GDPD1: variants seen among roughly 807,000 people sequenced by gnomAD.
GDPD1 encodes the protein lysophospholipase D GDPD1.
GDPD1 carries 28 observed loss-of-function variants against 45.1 expected under a neutral mutation model. That is an observed-to-expected ratio of 0.62 (90% CI 0.46 to 0.85). The LOEUF (loss-of-function observed/expected upper bound fraction) is 0.85, where lower values mean the gene tolerates loss of function less well. Ranked by LOEUF, GDPD1 falls within the 40% of genes least tolerant of loss-of-function variation. GDPD1 has a pLI of 0.00. For synonymous variants in GDPD1, 139 were observed against 131.4 expected, an observed-to-expected ratio of 1.06 and a Z score of -0.40; for missense variants, 256 against 364.8, an observed-to-expected ratio of 0.70 and a Z score of 2.43.
rs539339278 is a variant in GDPD1 at position 59,234,344 on chromosome 17, C to G, written c.143-148C>G. ...CCAGCCTGGGTGACAGAGCAAGACT[C>G]CGTCTCAAAAAAACCCAAAAAAACA... On this transcript the variant is annotated intron_variant, in intron 1 of 9. Coordinates refer to ENST00000284116, the MANE Select transcript of GDPD1 (RefSeq NM_182569.4). 1.5e-5 allele frequency: 9 copies of G among 581,276 alleles called. No homozygotes were observed. The East Asian group carries it at 2.7e-4, about 18-fold the overall frequency. The allele number at this position is 581,276 out of a possible 1,614,324, so 36.0% of individuals were successfully genotyped here. A position where few individuals can be genotyped will look rare whatever the true frequency, so the allele number is the denominator to read the frequency against.
At chr17:59,259,435 T>C (rs973794230) in intron 6 of GDPD1, among the ~76,000 whole-genome samples, 10 of 151,178 alleles carry the variant, frequency 6.6e-5, no homozygotes, top group African/African-American at 1.9e-4. Flanking sequence ...GGCGTAGTGG[T>C]GGGCGCCTGT....
At chr17:59,248,616 T>C (rs2047230421) in intron 3 of GDPD1, 124 bp from the exon 4 acceptor site, 2 of 641,490 alleles carry the variant, frequency 3.1e-6, no homozygotes, top group Middle Eastern at 8.7e-4. Context: ...CTGCTAAGGG[T>C]GCCTAGTAAA....
intron 6 of GDPD1, among the ~76,000 whole-genome samples, chr17:59,265,045 T>C (rs1048294504): frequency 1.3e-5 from 2 of 151,964 alleles, no homozygotes; most frequent in African/African-American, 4.8e-5. Flanking sequence ...TTCACCATGT[T>C]GGCCAGGCTG....
intron 2 of GDPD1, among the ~76,000 whole-genome samples, chr17:59,240,761 G>A (rs547316487): frequency 1.3e-5 from 2 of 152,166 alleles, no homozygotes; most frequent in South Asian, 2.1e-4. Flanking sequence ...ATGAGCCACC[G>A]TGCCAGGTCT....
At chr17:59,241,722 A>T (rs2147883991) in intron 2 of GDPD1, among the ~76,000 whole-genome samples, 1 of 151,972 alleles carries the variant, frequency 6.6e-6, no homozygotes, top group East Asian at 2.0e-4. Context: ...TGAGTTCAGG[A>T]GTTCGAGACC....
At chr17:59,249,215 A>C (rs2047235033) in intron 4 of GDPD1, 1 of 152,370 alleles carries the variant, frequency 6.6e-6, no homozygotes, top group South Asian at 2.1e-4. Context: ...AACATGGCAA[A>C]ACCCCGTCTC....
At position 59,274,660 on chromosome 17, in the gene GDPD1, C is replaced by T. The variant is rs1157745053; in HGVS notation, c.*887C>T. ...TGGGCGTGGTGGTGGGCACCTTAGT[C>T]CCAGCTACTCGGGAGGCTGAGTCAG... On this transcript the variant is annotated 3_prime_UTR_variant, in exon 10 of 10. Coordinates refer to ENST00000284116, the MANE Select transcript of GDPD1 (RefSeq NM_182569.4). The T allele has an allele frequency of 6.6e-6, 1 of 151,078 alleles. No individual in the cohort carries two copies. Among genetic ancestry groups the T allele is most frequent in the Non-Finnish European group, 1.5e-5 (1 of 67,952 alleles). 9.4% of individuals were successfully genotyped at this position (151,078 alleles called of 1,614,324 possible).
chr17:59,267,046 A>C lies in GDPD1; in HGVS notation c.582A>C (p.Ser194=). The C allele has an allele frequency of 1.2e-6, 2 of 1,607,264 alleles. No individual in the cohort carries two copies. Among genetic ancestry groups the C allele is most frequent in the Non-Finnish European group, 1.7e-6 (2 of 1,176,414 alleles). ...EIVEKCYKEN[S]DIPILFSLQR... ...ATATTGCTTGTGTCTTTTAGAATTC[A>C]GATATTCCTATACTCTTCAGTCTAC... Residue 194 remains serine (S), a synonymous_variant, in exon 7 of 10, where the codon TCA becomes TCC. Coordinates refer to ENST00000284116, the MANE Select transcript of GDPD1 (RefSeq NM_182569.4).
At chr17:59,273,251 C>T (rs2047457153) in intron 9 of GDPD1, among the ~76,000 whole-genome samples, 1 of 151,932 alleles carries the variant, frequency 6.6e-6, no homozygotes, top group South Asian at 2.1e-4. Flanking sequence ...CCTCAGCCTC[C>T]TAAGTAGCTG....
intron 1 of GDPD1, among the ~76,000 whole-genome samples, chr17:59,229,513 C>G (rs1026383592): frequency 6.6e-6 from 1 of 151,684 alleles, no homozygotes; most frequent in Non-Finnish European, 1.5e-5. Context: ...GCGTGAGCCA[C>G]TGCGCCTGGC....
At chr17:59,263,455 C>A (rs2047373584) in intron 6 of GDPD1, among the ~76,000 whole-genome samples, 3 of 148,004 alleles carry the variant, frequency 2.0e-5, no homozygotes, top group East Asian at 2.0e-4. Flanking sequence ...ATAATTGATA[C>A]AACTTTTGCA....
intron 1 of GDPD1, among the ~76,000 whole-genome samples, chr17:59,228,535 C>G (rs2047064990): frequency 6.6e-6 from 1 of 152,082 alleles, no homozygotes; most frequent in African/African-American, 2.4e-5. Context: ...CTTATGTGTA[C>G]CAAATCCTCT....
intron 4 of GDPD1, among the ~76,000 whole-genome samples, chr17:59,253,452 C>A (rs1368046175): frequency 6.6e-6 from 1 of 152,144 alleles, no homozygotes; most frequent in Non-Finnish European, 1.5e-5. Context: ...AATCTTCCCA[C>A]CTCAGCCTTC....
chr17:59,258,775 CT>C (rs1644397800), intron 6 of GDPD1, among the ~76,000 whole-genome samples: 1 of 152,064 alleles, frequency 6.6e-6, no homozygotes, highest in African/African-American at 2.4e-5. Context: ...CAGTTTCTAT[CT>C]TTTAATCACT....
chr17:59,223,793 C>T (rs894271817), intron 1 of GDPD1, among the ~76,000 whole-genome samples: 7 of 152,162 alleles, frequency 4.6e-5, no homozygotes, highest in Admixed American at 2.0e-4. Context: ...TGTCTGTAAT[C>T]CCAGCTATTC....
chr17:59,271,602 CTTCTTATT>C (rs1170343334), intron 8 of GDPD1, among the ~76,000 whole-genome samples: 7 of 142,394 alleles, frequency 4.9e-5, no homozygotes, highest in African/African-American at 2.0e-4. Flanking sequence ...AACGCCTTTT[CTTCTTATT>C]TTATTTTATT....
In GDPD1 at chr17:59,275,896, T is replaced by C. The variant is rs904985080; in HGVS notation, c.*2123T>C. 2.0e-5 allele frequency: 3 copies of C among 152,210 alleles called. No individual in the cohort carries two copies. The highest frequency in any genetic ancestry group is 6.5e-5 in the Admixed American group (1 of 15,268). 9.4% of individuals were successfully genotyped at this position (152,210 alleles called of 1,614,324 possible). A position where few individuals can be genotyped will look rare whatever the true frequency, so the allele number is the denominator to read the frequency against. ...ACTGCTATGAAGAATGACTGTACTC[T>C]CCTATCTGTCCCTGGATGACATAAA... On this transcript the variant is annotated 3_prime_UTR_variant, in exon 10 of 10. Transcript: ENST00000284116.
In GDPD1 at chr17:59,257,889, T is replaced by C. The variant is rs755856910; in HGVS notation, c.576+49T>C. 3.3e-6 allele frequency: 4 copies of C among 1,212,086 alleles called. No individual in the cohort carries two copies. In the Admixed American group the frequency reaches 6.3e-5, roughly 19 times the overall value. 75.1% of individuals were successfully genotyped at this position (1,212,086 alleles called of 1,614,324 possible). On this transcript the variant is annotated intron_variant, in intron 6 of 9. Transcript: ENST00000284116. ...ATTATCTATCTTTGTTGTTGTTTTGTATCTACAAATGATAAGTTATTATAG... is the reference window on the plus strand; with the variant it reads ...ATTATCTATCTTTGTTGTTGTTTTGCATCTACAAATGATAAGTTATTATAG...
chr17:59,265,901 C>CA (rs60404339), intron 6 of GDPD1, among the ~76,000 whole-genome samples: 2,380 of 80,180 alleles, frequency 0.03, 33 homozygotes, highest in Non-Finnish European at 0.034. Context: ...GACCTTATCT[C>CA]AAAAAAAAAA....
Sources: allele counts gnomAD v4.1 joint callset (sites outside exome capture counted in the v4.1 genomes callset), GRCh38; gene constraint gnomAD v4.1.1; transcripts MANE v1.5; gene names NCBI Gene and HGNC (gene_info 2026-07-23, HGNC 2026-07-21).